The following DOCK9 variants were observed in gnomAD, a reference collection of about 807,000 sequenced individuals.
The protein encoded by DOCK9 is dedicator of cytokinesis 9.
Under a neutral mutation model 263.3 loss-of-function variants are expected in DOCK9, and 89 were observed. That is an observed-to-expected ratio of 0.34 (90% CI 0.28 to 0.40). The LOEUF is 0.40. Among genes scored for constraint, DOCK9 ranks in the 10% least tolerant of loss-of-function variants. The probability of loss-of-function intolerance (pLI) is 1.00; values close to 1 mark genes in which losing one functional copy is unlikely to be tolerated. For synonymous variants in DOCK9, 976 were observed against 973.1 expected (o/e 1.00, Z -0.06); for missense variants, 2,140 against 2,603.4 (o/e 0.82, Z 3.87).
At chr13:99,022,257 G>T (rs1199984442) in intron 1 of DOCK9, among the ~76,000 whole-genome samples, 2 of 152,156 alleles carry the variant, frequency 1.3e-5, no homozygotes, top group Admixed American at 1.3e-4. Flanking sequence ...CCCTGCAAGA[G>T]CTCAAGGCTG....
At chr13:98,824,769 C>T (rs1425155946) in intron 44 of DOCK9, among the ~76,000 whole-genome samples, 23 of 152,128 alleles carry the variant, frequency 1.5e-4, no homozygotes, top group Non-Finnish European at 3.1e-4. Context: ...AAATATTAAA[C>T]TATAAACTGA....
intron 10 of DOCK9, among the ~76,000 whole-genome samples, chr13:98,903,394 C>A (rs1180720705): frequency 6.6e-6 from 1 of 151,946 alleles, no homozygotes; most frequent in East Asian, 1.9e-4. Context: ...GAGATCGAGA[C>A]CATCCTGGCT....
intron 11 of DOCK9, 28 bp from the exon 12 acceptor site, chr13:98,902,519 C>G (rs762025009): frequency 1.3e-6 from 2 of 1,599,174 alleles, no homozygotes; most frequent in Non-Finnish European, 1.7e-6. Flanking sequence ...ATCCAATGAT[C>G]ACCATGGCTC....
chr13:98,931,307 T>TTTTAC (rs1413446068), intron 2 of DOCK9, among the ~76,000 whole-genome samples: 2 of 151,438 alleles, frequency 1.3e-5, no homozygotes, highest in African/African-American at 4.8e-5. Flanking sequence ...TTTTATTTTA[T>TTTTAC]TTTATTTTTT....
chr13:98,992,031 A>G (rs1481957343), intron 1 of DOCK9, among the ~76,000 whole-genome samples: 3 of 151,990 alleles, frequency 2.0e-5, no homozygotes, highest in Non-Finnish European at 1.5e-5. Context: ...AGACCACCGC[A>G]TGTACACCTG....
intron 45 of DOCK9, among the ~76,000 whole-genome samples, chr13:98,822,013 T>C (rs547950813): frequency 6.6e-6 from 1 of 152,306 alleles, no homozygotes; most frequent in South Asian, 2.1e-4. Flanking sequence ...ACGTGCCTGG[T>C]AATTTCTGCT....
At chr13:98,903,857 T>A (rs1025847527) in intron 10 of DOCK9, among the ~76,000 whole-genome samples, 1 of 152,136 alleles carries the variant, frequency 6.6e-6, no homozygotes, top group African/African-American at 2.4e-5. Context: ...CTTGAAAACA[T>A]GTTAAGTTTA....
chr13:98,991,827 C>T (rs1303079221), intron 1 of DOCK9, among the ~76,000 whole-genome samples: 2 of 151,720 alleles, frequency 1.3e-5, no homozygotes, highest in Admixed American at 6.6e-5. Context: ...TAGGTTCTGG[C>T]CCAAGAAAAA....
At chr13:99,056,576 A>G (rs2040933721) in intron 1 of DOCK9, among the ~76,000 whole-genome samples, 1 of 152,214 alleles carries the variant, frequency 6.6e-6, no homozygotes, top group Non-Finnish European at 1.5e-5. Context: ...GAAATGAGCA[A>G]CCTAGAAGTC....
At chr13:98,867,599 A>T (rs1487125952) in intron 29 of DOCK9, 63 bp from the exon 30 acceptor site, 4 of 1,077,746 alleles carry the variant, frequency 3.7e-6, no homozygotes, top group Non-Finnish European at 4.2e-6. Flanking sequence ...ATTCTAAAAA[A>T]CCTATTAGCA....
chr13:98,979,974 G>A (rs375112893), upstream of DOCK9, among the ~76,000 whole-genome samples: 26 of 152,276 alleles, frequency 1.7e-4, no homozygotes, highest in African/African-American at 3.9e-4. Flanking sequence ...AATCCCCATC[G>A]CCATTAAGCC....
chr13:98,961,093 A>C (rs1449558690), intron 1 of DOCK9, among the ~76,000 whole-genome samples: 2 of 152,204 alleles, frequency 1.3e-5, no homozygotes, highest in Non-Finnish European at 2.9e-5. Context: ...ACGTAGTGAG[A>C]GGTACTGGCA....
rs772307 is a variant in DOCK9 at position 98,809,878 on chromosome 13, A to C, written c.5253+291T>G. 0.81 allele frequency among the ~76,000 whole-genome samples: 122,924 copies of C among 152,106 alleles called. 50,116 individuals are homozygous for C. Among genetic ancestry groups the C allele is most frequent in the Non-Finnish European group, 0.87 (59,271 of 68,008 alleles). On this transcript the variant is annotated intron_variant, in intron 46 of 52. Transcript: ENST00000682017. ...AGGAAGAGTTCTCAGAAAAGGGACA[A>C]CTGGTGATCACAAAACTCTGTTCAT...
intron 1 of DOCK9, among the ~76,000 whole-genome samples, chr13:99,048,311 G>A (rs1435688555): frequency 2.6e-5 from 4 of 152,120 alleles, no homozygotes; most frequent in Admixed American, 6.5e-5. Context: ...GACAGCCTGC[G>A]TGCACCCCAG....
chr13:98,835,792 T>C (rs1040819769), intron 39 of DOCK9, among the ~76,000 whole-genome samples: 2 of 138,510 alleles, frequency 1.4e-5, no homozygotes, highest in African/African-American at 5.5e-5. Context: ...CAGGCTGGAG[T>C]GCAGTGGCGA....
Position 99,030,173 on chromosome 13 carries a change from T to C in DOCK9, c.129+56050A>G, listed in dbSNP as rs541325815. ...AAGAGTAATTGAAATGTTCTGAAAT[T>C]AGATAATGGTGAGGATTGCACAAAT... On this transcript the variant is annotated intron_variant, in intron 1 of 32. Transcript: ENST00000427887. Among the ~76,000 whole-genome samples, 4 of 152,232 alleles carry C rather than the reference T, an allele frequency of 2.6e-5. No homozygotes were observed. In the South Asian group the frequency reaches 8.3e-4, roughly 32 times the overall value.
At chr13:98,975,723 A>G (rs138460088) in intron 1 of DOCK9, among the ~76,000 whole-genome samples, 108 of 152,346 alleles carry the variant, frequency 7.1e-4, no homozygotes, top group African/African-American at 2.3e-3. Flanking sequence ...GTTTCTGTAC[A>G]TAACTAAAAA....
At chr13:98,936,782 C>T (rs1423988577) in intron 2 of DOCK9, among the ~76,000 whole-genome samples, 2 of 152,164 alleles carry the variant, frequency 1.3e-5, no homozygotes, top group African/African-American at 4.8e-5. Context: ...CAAGGGAAGA[C>T]TATAGCATGA....
intron 1 of DOCK9, among the ~76,000 whole-genome samples, chr13:99,017,241 A>G (rs910339231): frequency 6.6e-6 from 1 of 152,238 alleles, no homozygotes; most frequent in Non-Finnish European, 1.5e-5. Context: ...ATGCGAAATC[A>G]CAATGCTGAC....
Sources: allele counts gnomAD v4.1 joint callset (sites outside exome capture counted in the v4.1 genomes callset), GRCh38; gene constraint gnomAD v4.1.1; transcripts MANE v1.5; gene names NCBI Gene and HGNC (gene_info 2026-07-23, HGNC 2026-07-21).